The following CARS1 variants were observed in gnomAD, a reference collection of about 807,000 sequenced individuals.
CARS1 encodes the protein cysteine--tRNA ligase, cytoplasmic.
In CARS1, 48 loss-of-function variants were observed where a neutral mutation model predicts 106.2. That is an observed-to-expected ratio of 0.45 (90% CI 0.36 to 0.57). CARS1 has a LOEUF of 0.57. Among genes scored for constraint, CARS1 ranks in the 20% least tolerant of loss-of-function variants. CARS1 has a pLI of 0.00. For missense variants in CARS1, 968 were observed against 1,057.2 expected (o/e 0.92, Z 1.17); for synonymous variants, 409 against 403.4 (o/e 1.01, Z -0.17).
rs1481569802 is a variant in CARS1 at position 3,004,833 on chromosome 11, C to A, written c.2217+533G>T. Among the ~76,000 whole-genome samples, 1 of 151,986 alleles carries A rather than the reference C, an allele frequency of 6.6e-6. No homozygotes were observed. Among genetic ancestry groups the A allele is most frequent in the Non-Finnish European group, 1.5e-5 (1 of 67,988 alleles). ...CTTAACATGTCAGCTTCGGGCCAGG[C>A]GTGGTGGCTCAAGCCTGTAATCCCA... On this transcript the variant is annotated intron_variant, in intron 20 of 22. Coordinates refer to ENST00000380525, the MANE Select transcript of CARS1 (RefSeq NM_001014437.3). The surrounding 1 kb of genome is among the most constrained non-coding windows in gnomAD (Gnocchi z 5.2).
At chr11:3,024,973 A>T (rs1484627332) in intron 10 of CARS1, among the ~76,000 whole-genome samples, 1 of 152,180 alleles carries the variant, frequency 6.6e-6, no homozygotes, top group Non-Finnish European at 1.5e-5. Flanking sequence ...TCATATCCGT[A>T]TTAATTCTTG....
rs778191372 is a variant in CARS1 at position 3,040,867 on chromosome 11, G to A, written c.455+29C>T. On this transcript the variant is annotated intron_variant, in intron 4 of 22. Coordinates refer to ENST00000380525, the MANE Select transcript of CARS1 (RefSeq NM_001014437.3). The surrounding 1 kb of genome is among the most constrained non-coding windows in gnomAD (Gnocchi z 5.8). ...CTGACTTCTGCGTGCAACTGCAGAA[G>A]CTGCAGGGACACCCCGCGGTGGACC... is the stretch of plus-strand genomic sequence containing the variant. The A allele has an allele frequency of 1.9e-6, 3 of 1,606,856 alleles. No homozygotes were observed. Among genetic ancestry groups the A allele is most frequent in the Non-Finnish European group, 2.6e-6 (3 of 1,175,806 alleles).
intron 10 of CARS1, among the ~76,000 whole-genome samples, chr11:3,025,768 T>C (rs1851999723): frequency 6.6e-6 from 1 of 152,136 alleles, no homozygotes. Flanking sequence ...GGGTTCCCAA[T>C]ATAATTCTGC....
chr11:3,054,836 C>A (rs1483892084), intron 1 of CARS1: 5 of 700,316 alleles, frequency 7.1e-6, no homozygotes, highest in Non-Finnish European at 2.6e-6. Context: ...TTATGAAGAC[C>A]CTTGAATTAA....
At chr11:3,002,684 C>A in intron 20 of CARS1, 84 bp from the exon 21 acceptor site, 1 of 1,592,120 alleles carries the variant, frequency 6.3e-7, no homozygotes, top group Non-Finnish European at 8.5e-7. Flanking sequence ...GCCAAACAAG[C>A]CCCTCTCCTA....
chr11:3,005,565 AAAAC>A (rs1849778950), intron 19 of CARS1, 132 bp from the exon 20 acceptor site: 3 of 626,512 alleles, frequency 4.8e-6, no homozygotes, highest in Admixed American at 2.8e-5. Flanking sequence ...CCACAGGAGA[AAAAC>A]AAACAAAAAC....
rs1208604048 is a variant in CARS1 at position 3,000,971 on chromosome 11, G to A, written c.*143C>T. 20 of 903,124 alleles carry A rather than the reference G, an allele frequency of 2.2e-5. No homozygotes were observed. The highest frequency in any genetic ancestry group is 1.3e-4 in the South Asian group (8 of 62,920). The allele number at this position is 903,124 out of a possible 1,614,324, so 55.9% of individuals were successfully genotyped here. ...TTATTATCAATGTCTCAGAGCCAAC[G>A]ACGACACGAACCTACATGAACACAA... On this transcript the variant is annotated 3_prime_UTR_variant, in exon 23 of 23. Transcript: ENST00000380525. This position sits in a 1 kb window ranked among gnomAD's most constrained non-coding sequence, Gnocchi z 7.1.
At chr11:3,023,130 G>A (rs374278214) in intron 10 of CARS1, among the ~76,000 whole-genome samples, 23 of 152,252 alleles carry the variant, frequency 1.5e-4, no homozygotes, top group African/African-American at 5.1e-4. Flanking sequence ...AAAGACCCTA[G>A]ATGGGGCCAG....
In CARS1 at chr11:3,057,394, C is replaced by T; in HGVS notation, c.-27G>A. The T allele has an allele frequency of 6.2e-7, 1 of 1,604,960 alleles. No homozygotes were observed. Among genetic ancestry groups the T allele is most frequent in the Non-Finnish European group, 8.5e-7 (1 of 1,174,846 alleles). On this transcript the variant is annotated 5_prime_UTR_variant, in exon 1 of 23. Coordinates refer to ENST00000380525, the MANE Select transcript of CARS1 (RefSeq NM_001014437.3). ...GCTGGGAATCCCGGACCCGCAGCTG[C>T]GGCTACAGACACTTCCTAGAATCTG...
intron 1 of CARS1, 57 bp downstream of exon 1, chr11:3,057,286 C>T (rs1039233200): frequency 5.9e-6 from 9 of 1,518,416 alleles, no homozygotes; most frequent in African/African-American, 1.4e-5. Flanking sequence ...GAGCCGAGCA[C>T]CCAGCGCCCA....
In CARS1 at chr11:3,017,096, C is replaced by T. The variant is rs978815893; in HGVS notation, c.1917+10G>A. The T allele has an allele frequency of 3.1e-6, 5 of 1,606,158 alleles. No homozygotes were observed. In the African/African-American group the frequency reaches 6.7e-5, roughly 21 times the overall value. Reference sequence around the variant, plus strand: ...GGCTGAGGGATACGCCTGCCTGGGGCCTGGCTTACCTTCAGCATATGGGTG... The same window carrying T: ...GGCTGAGGGATACGCCTGCCTGGGGTCTGGCTTACCTTCAGCATATGGGTG... On this transcript the variant is annotated intron_variant, in intron 16 of 22. Coordinates refer to ENST00000380525, the MANE Select transcript of CARS1 (RefSeq NM_001014437.3). The surrounding 1 kb of genome is among the most constrained non-coding windows in gnomAD (Gnocchi z 4.9).
chr11:3,012,045 G>T, intron 18 of CARS1, 150 bp downstream of exon 18: 1 of 689,036 alleles, frequency 1.5e-6, no homozygotes, highest in East Asian at 2.7e-5. Context: ...GTCCAGGCCC[G>T]GGATGCCGTT....
At position 3,034,341 on chromosome 11, in the gene CARS1, C is replaced by A. The variant is rs1196498132; in HGVS notation, c.801+3709G>T. The stretch of plus-strand genomic sequence containing the variant: ...TTTCAAGCTATTCTCCTGCCTCAGC[C>A]TCCAGAGTAGCTGGGATTACAGACG... On this transcript the variant is annotated intron_variant, in intron 7 of 22. Transcript: ENST00000380525. This position sits in a 1 kb window ranked among gnomAD's most constrained non-coding sequence, Gnocchi z 6.3. Among the ~76,000 whole-genome samples, 1 of 152,120 alleles carries A rather than the reference C, an allele frequency of 6.6e-6. No homozygotes were observed. Among genetic ancestry groups the A allele is most frequent in the Non-Finnish European group, 1.5e-5 (1 of 68,032 alleles).
Position 3,004,147 on chromosome 11 carries a change from GC to G in CARS1, c.2217+1218del, listed in dbSNP as rs555516887. ...AGTGACTGTGATGGAATGGGGAGGG[GC>G]CCTGATGAGGCAGTCACACCAGCCA... On this transcript the variant is annotated intron_variant, in intron 20 of 22. Transcript: ENST00000380525. The surrounding 1 kb of genome is among the most constrained non-coding windows in gnomAD (Gnocchi z 5.2). 4.6e-5 allele frequency among the ~76,000 whole-genome samples: 7 copies of G among 152,310 alleles called. No individual in the cohort carries two copies. The East Asian group carries it at 1.3e-3, about 29-fold the overall frequency.
In CARS1 at chr11:3,004,800, AC is replaced by A. The variant is rs1198872670; in HGVS notation, c.2217+565del. On this transcript the variant is annotated intron_variant, in intron 20 of 22. Coordinates refer to ENST00000380525, the MANE Select transcript of CARS1 (RefSeq NM_001014437.3). The surrounding 1 kb of genome is among the most constrained non-coding windows in gnomAD (Gnocchi z 5.2). ...GCCACTCAGGTGAGGGCACGGTGGG[AC>A]TGGGATCTTAACATGTCAGCTTCGG... Among the ~76,000 whole-genome samples, 1 of 152,108 alleles carries A rather than the reference AC, an allele frequency of 6.6e-6. No individual in the cohort carries two copies. The highest frequency in any genetic ancestry group is 1.5e-5 in the Non-Finnish European group (1 of 68,010).
At position 3,038,222 on chromosome 11, in the gene CARS1, A is replaced by C; in HGVS notation, c.652-23T>G. 1 of 1,609,124 alleles carries C rather than the reference A, an allele frequency of 6.2e-7. No homozygotes were observed. The highest frequency in any genetic ancestry group is 1.1e-5 in the South Asian group (1 of 90,964). On this transcript the variant is annotated intron_variant, in intron 6 of 22. Transcript: ENST00000380525. The surrounding 1 kb of genome is among the most constrained non-coding windows in gnomAD (Gnocchi z 4.0). ...TGGCTGCAACCATAAAGAGACGTCA[A>C]ATCTATTAGATACTGCTCAGCAAAA... is the stretch of plus-strand genomic sequence containing the variant.
At chr11:3,006,097 C>T (rs530572523) in intron 19 of CARS1, among the ~76,000 whole-genome samples, 3 of 152,160 alleles carry the variant, frequency 2.0e-5, no homozygotes, top group East Asian at 1.9e-4. Flanking sequence ...GATCATAGTA[C>T]CTCATACGCA....
In CARS1 at chr11:3,048,820, A is replaced by AACTGGCC. The variant is rs1855372609; in HGVS notation, c.26-820_26-819insGGCCAGT. ...AAATGTGGCTGCTCCAGCCAGCCTCACCTGGCCCCTGGCCCCTGGCCCCAG... is the reference window on the plus strand; with the variant it reads ...AAATGTGGCTGCTCCAGCCAGCCTCAACTGGCCCCTGGCCCCTGGCCCCTGGCCCCAG... On this transcript the variant is annotated intron_variant, in intron 1 of 22. Transcript: ENST00000380525. The surrounding 1 kb of genome is among the most constrained non-coding windows in gnomAD (Gnocchi z 5.1). 6.6e-6 allele frequency among the ~76,000 whole-genome samples: 1 copy of AACTGGCC among 152,172 alleles called. No individual in the cohort carries two copies.
Position 3,048,109 on chromosome 11 carries a change from A to G in CARS1, c.26-108T>C, listed in dbSNP as rs557003443. 436 of 1,382,898 alleles carry G rather than the reference A, an allele frequency of 3.2e-4. 2 individuals carry two copies. The African/African-American group carries it at 5.6e-3, about 18-fold the overall frequency. 85.7% of individuals were successfully genotyped at this position (1,382,898 alleles called of 1,614,324 possible). A position where few individuals can be genotyped will look rare whatever the true frequency, so the allele number is the denominator to read the frequency against. ...CACAGAACCAAGGAAAAAGGTGTTC[A>G]AGCCCTTCCCTGGACGCCAAACATC... On this transcript the variant is annotated intron_variant, in intron 1 of 22. Coordinates refer to ENST00000380525, the MANE Select transcript of CARS1 (RefSeq NM_001014437.3). This position sits in a 1 kb window ranked among gnomAD's most constrained non-coding sequence, Gnocchi z 5.1.
Sources: allele counts gnomAD v4.1 joint callset (sites outside exome capture counted in the v4.1 genomes callset), GRCh38; gene constraint gnomAD v4.1.1; non-coding constraint Gnocchi (gnomAD v3.1); transcripts MANE v1.5; gene names NCBI Gene and HGNC (gene_info 2026-07-23, HGNC 2026-07-21).